ETNK1: variants seen among roughly 807,000 people sequenced by gnomAD.
The protein encoded by ETNK1 is putative protein product of Nbla10396.
In ETNK1, 8 loss-of-function variants were observed where a neutral mutation model predicts 45.1. That is an observed-to-expected ratio of 0.18 (90% confidence interval 0.10 to 0.32). The LOEUF (loss-of-function observed/expected upper bound fraction) is 0.32, where lower values mean the gene tolerates loss of function less well. ETNK1 is among the 10% of genes least tolerant of loss of function. The pLI, the probability that ETNK1 is intolerant of heterozygous loss-of-function variation, is 1.00. For missense variants in ETNK1, 302 were observed against 430.6 expected, an observed-to-expected ratio of 0.70 and a Z score of 2.64; for synonymous variants, 152 against 151.9, an observed-to-expected ratio of 1.00 and a Z score of -0.01.
At chr12:22,652,358 T>G (rs1007259890) in intron 2 of ETNK1, among the ~76,000 whole-genome samples, 1 of 152,220 alleles carries the variant, frequency 6.6e-6, no homozygotes, top group Non-Finnish European at 1.5e-5. Flanking sequence ...TTCAGTTCTT[T>G]CGGGTGAATG....
chr12:22,625,288 C>A lies in ETNK1; in HGVS notation c.-143C>A. On this transcript the variant is annotated 5_prime_UTR_variant, in exon 1 of 8. Coordinates refer to ENST00000266517, the MANE Select transcript of ETNK1 (RefSeq NM_018638.5). ...AGTGCCGCCTCCAGACGTTCTCCTG[C>A]CGCTCGCCCGCCCGTCCCAGCGCCC... The A allele has an allele frequency of 1.2e-6, 2 of 1,607,824 alleles. No homozygotes were observed. The highest frequency in any genetic ancestry group is 8.5e-7 in the Non-Finnish European group (1 of 1,177,894).
intron 1 of ETNK1, among the ~76,000 whole-genome samples, chr12:22,642,671 TC>T (rs1343978359): frequency 9.2e-5 from 14 of 152,014 alleles, no homozygotes; most frequent in Admixed American, 5.9e-4. Context: ...TTACCCTCTT[TC>T]TTAAGCATTA....
At chr12:22,679,027 T>C (rs1954188246) in intron 6 of ETNK1, among the ~76,000 whole-genome samples, 1 of 152,230 alleles carries the variant, frequency 6.6e-6, no homozygotes, top group Admixed American at 6.5e-5. Flanking sequence ...GGAGTTTGTA[T>C]TGGCATTCTC....
intron 2 of ETNK1, among the ~76,000 whole-genome samples, chr12:22,648,191 A>G (rs1262518300): frequency 6.6e-6 from 1 of 151,900 alleles, no homozygotes; most frequent in Non-Finnish European, 1.5e-5. Flanking sequence ...CTTTTGTTAT[A>G]ATACATAAAC....
chr12:22,679,172 G>A (rs564355670), intron 6 of ETNK1, among the ~76,000 whole-genome samples: 4 of 152,288 alleles, frequency 2.6e-5, no homozygotes, highest in South Asian at 2.1e-4. Flanking sequence ...CAGTAGTGGC[G>A]CAGTACAAGT....
intron 1 of ETNK1, among the ~76,000 whole-genome samples, chr12:22,637,130 A>G (rs539156584): frequency 2.0e-5 from 3 of 152,254 alleles, no homozygotes; most frequent in East Asian, 3.9e-4. Context: ...GTTTATCTCA[A>G]TTAATGAAGT....
chr12:22,671,203 C>A (rs1954103788), intron 4 of ETNK1, 69 bp from the exon 5 acceptor site: 2 of 1,084,512 alleles, frequency 1.8e-6, no homozygotes, highest in African/African-American at 3.1e-5. Flanking sequence ...TATTTAATTA[C>A]AAATAGCATA....
chr12:22,635,510 A>G (rs1953644463), intron 1 of ETNK1, among the ~76,000 whole-genome samples: 1 of 152,208 alleles, frequency 6.6e-6, no homozygotes, highest in South Asian at 2.1e-4. Flanking sequence ...ACCAAGATAC[A>G]ATGAACAGAA....
intron 5 of ETNK1, among the ~76,000 whole-genome samples, chr12:22,672,905 G>A (rs1425315016): frequency 1.3e-5 from 2 of 151,978 alleles, no homozygotes; most frequent in Non-Finnish European, 1.5e-5. Context: ...TGACTTTTTT[G>A]TTTGCAAGGA....
rs377113417 is a variant in ETNK1, at chr12:22,684,964, T to G, written c.*10T>G. The G allele has an allele frequency of 9.5e-6, 15 of 1,573,418 alleles. No homozygotes were observed. The highest frequency in any genetic ancestry group is 1.4e-5 in the African/African-American group (1 of 73,322). Reference sequence around the variant, plus strand: ...AAAAGTGCCTGAGTAAAGAAGAGATTTAATTATTCTCCAGTAGCTGAGCAA... The same window carrying G: ...AAAAGTGCCTGAGTAAAGAAGAGATGTAATTATTCTCCAGTAGCTGAGCAA... On this transcript the variant is annotated 3_prime_UTR_variant, in exon 8 of 8. Coordinates refer to ENST00000266517, the MANE Select transcript of ETNK1 (RefSeq NM_018638.5).
intron 2 of ETNK1, among the ~76,000 whole-genome samples, chr12:22,649,231 T>C (rs903417509): frequency 6.6e-5 from 10 of 152,112 alleles, no homozygotes; most frequent in Admixed American, 5.2e-4. Context: ...GAAGTCCAGC[T>C]TATCTGTTCT....
At chr12:22,663,579 T>C (rs993250160) in intron 4 of ETNK1, among the ~76,000 whole-genome samples, 17 of 152,124 alleles carry the variant, frequency 1.1e-4, no homozygotes, top group Non-Finnish European at 2.2e-4. Flanking sequence ...AAACTATTGA[T>C]CAGTTATGTG....
intron 1 of ETNK1, chr12:22,625,844 C>A: frequency 1.5e-6 from 1 of 689,560 alleles, no homozygotes; most frequent in Non-Finnish European, 2.6e-6. Flanking sequence ...GACCCATCCA[C>A]GGGGGGAGAT....
chr12:22,643,579 T>C (rs938110181), intron 1 of ETNK1, among the ~76,000 whole-genome samples, 184 bp from the exon 2 acceptor site: 3 of 152,102 alleles, frequency 2.0e-5, no homozygotes, highest in Non-Finnish European at 4.4e-5. Flanking sequence ...AGTGGTTCTC[T>C]TTGTTTAAAT....
At chr12:22,684,774 AAAATCTT>A in intron 7 of ETNK1, 101 bp from the exon 8 acceptor site, 1 of 926,818 alleles carries the variant, frequency 1.1e-6, no homozygotes, top group Non-Finnish European at 1.6e-6. Context: ...ATGTCCTTTG[AAAATCTT>A]AAACTTTAAG....
At chr12:22,669,542 A>C (rs907035757) in intron 4 of ETNK1, among the ~76,000 whole-genome samples, 58 of 151,926 alleles carry the variant, frequency 3.8e-4, no homozygotes, top group African/African-American at 1.4e-3. Context: ...AGATTTCTTC[A>C]TGGTTTTATT....
At chr12:22,670,461 A>G (rs1345895800) in intron 4 of ETNK1, among the ~76,000 whole-genome samples, 1 of 151,928 alleles carries the variant, frequency 6.6e-6, no homozygotes, top group Non-Finnish European at 1.5e-5. Flanking sequence ...CCTTTATAAT[A>G]TTCATTACTC....
chr12:22,670,243 A>G (rs1954094547), intron 4 of ETNK1, among the ~76,000 whole-genome samples: 1 of 152,144 alleles, frequency 6.6e-6, no homozygotes, highest in Non-Finnish European at 1.5e-5. Context: ...AAGACAGTGT[A>G]ACTATGCAGG....
intron 5 of ETNK1, among the ~76,000 whole-genome samples, chr12:22,672,837 T>C (rs1422759304): frequency 1.3e-5 from 2 of 152,350 alleles, no homozygotes; most frequent in East Asian, 3.9e-4. Flanking sequence ...GTATGAACTT[T>C]GTCTTCTAGG....
Sources: allele counts gnomAD v4.1 joint callset (sites outside exome capture counted in the v4.1 genomes callset), GRCh38; gene constraint gnomAD v4.1.1; transcripts MANE v1.5; gene names NCBI Gene and HGNC (gene_info 2026-07-23, HGNC 2026-07-21).